Variants in TMED3 observed in about 807,000 individuals in gnomAD.
The protein encoded by TMED3 is transmembrane p24 trafficking protein 3.
In TMED3, 9 loss-of-function variants were observed where a neutral mutation model predicts 15.0. The ratio of observed to expected loss-of-function variants is 0.60; its 90% CI spans 0.36 to 1.04. The LOEUF (loss-of-function observed/expected upper bound fraction) is 1.04. TMED3 is among the 50% of genes least tolerant of loss of function. The pLI is 0.01. For synonymous variants in TMED3, 117 were observed against 121.4 expected, an observed-to-expected ratio of 0.96 and a Z score of 0.24; for missense variants, 267 against 278.9, an observed-to-expected ratio of 0.96 and a Z score of 0.30.
intron 2 of TMED3, among the ~76,000 whole-genome samples, chr15:79,318,222 CCTGCCGCT>C (rs2058749545): frequency 2.0e-5 from 3 of 152,156 alleles, no homozygotes; most frequent in African/African-American, 7.2e-5. Flanking sequence ...CTGGGGTGTT[CCTGCCGCT>C]CTGCATACCC....
chr15:79,399,868 T>A (rs946150777), intron 2 of TMED3, among the ~76,000 whole-genome samples: 25 of 152,222 alleles, frequency 1.6e-4, no homozygotes, highest in African/African-American at 6.0e-4. Flanking sequence ...GACTGGTACA[T>A]GCTTCAGTCT....
intron 2 of TMED3, among the ~76,000 whole-genome samples, chr15:79,314,975 T>G (rs2058734650): frequency 6.6e-6 from 1 of 152,176 alleles, no homozygotes; most frequent in Non-Finnish European, 1.5e-5. Flanking sequence ...CAAATACTTG[T>G]GAAATGACTG....
chr15:79,376,000 C>T (rs1028602714), intron 2 of TMED3, among the ~76,000 whole-genome samples: 6 of 151,154 alleles, frequency 4.0e-5, no homozygotes, highest in Admixed American at 3.9e-4. Context: ...TTTAACCTAG[C>T]GATTTACTCT....
chr15:79,337,326 T>C (rs531286862), intron 2 of TMED3, among the ~76,000 whole-genome samples: 14 of 152,216 alleles, frequency 9.2e-5, no homozygotes, highest in Non-Finnish European at 1.5e-4. Flanking sequence ...ACAACAGTTA[T>C]GTTGGGTTAG....
At position 79,322,190 on chromosome 15, in the gene TMED3, C is replaced by T. The variant is rs775543896; in HGVS notation, c.630C>T (p.Pro210=). ...LLKSFFTEKR[P]ISRAVHS ...AAAGCTTCTTCACAGAAAAACGACC[C>T]ATCAGCAGGGCAGTCCACTCCTAGC... The change falls in exon 3 of 3, where the codon CCC becomes CCT. Residue 210 remains proline, a synonymous_variant. Transcript: ENST00000299705. 2 of 1,614,024 alleles carry T rather than the reference C, an allele frequency of 1.2e-6. No homozygotes were observed. The highest frequency in any genetic ancestry group is 1.7e-6 in the Non-Finnish European group (2 of 1,179,954).
At chr15:79,354,623 C>CAAAA (rs60577285) in intron 2 of TMED3, among the ~76,000 whole-genome samples, 5 of 120,960 alleles carry the variant, frequency 4.1e-5, no homozygotes, top group Non-Finnish European at 7.3e-5. Flanking sequence ...ATAGAAGAGG[C>CAAAA]AAAAAAAAAA....
At chr15:79,405,269 TC>T (rs1408798038) in intron 2 of TMED3, among the ~76,000 whole-genome samples, 3 of 152,110 alleles carry the variant, frequency 2.0e-5, no homozygotes, top group Admixed American at 6.6e-5. Context: ...GAGCTGAAAC[TC>T]CCCTGTGGTG....
chr15:79,389,467 G>A (rs891943410), intron 2 of TMED3, among the ~76,000 whole-genome samples: 6 of 152,078 alleles, frequency 3.9e-5, no homozygotes, highest in African/African-American at 1.2e-4. Flanking sequence ...TTTTATACCA[G>A]TACCATGTTA....
chr15:79,312,391 A>G (rs2058719599), intron 1 of TMED3, among the ~76,000 whole-genome samples: 1 of 152,186 alleles, frequency 6.6e-6, no homozygotes, highest in East Asian at 1.9e-4. Flanking sequence ...TGCAATGACA[A>G]AAAGAATGAT....
At chr15:79,413,324 G>A (rs2661048) in exon 3 of TMED3, 145,173 of 152,270 alleles carry the variant, frequency 0.95, 69,594 homozygotes, top group East Asian at 1. Flanking sequence ...CGTTTGCAAC[G>A]CAGACAGCTG....
chr15:79,333,343 C>G (rs1222785226), intron 2 of TMED3, among the ~76,000 whole-genome samples: 1 of 152,192 alleles, frequency 6.6e-6, no homozygotes, highest in Non-Finnish European at 1.5e-5. Context: ...CAGTGACAGA[C>G]TAGAATGTTG....
intron 2 of TMED3, among the ~76,000 whole-genome samples, chr15:79,362,582 G>T (rs973934730): frequency 3.9e-5 from 6 of 152,186 alleles, no homozygotes; most frequent in Non-Finnish European, 8.8e-5. Flanking sequence ...CCAAATCTCA[G>T]CTTGAATTGT....
chr15:79,333,236 A>G (rs1158164168), intron 2 of TMED3, among the ~76,000 whole-genome samples: 23 of 152,210 alleles, frequency 1.5e-4, no homozygotes, highest in Admixed American at 1.5e-3. Flanking sequence ...CTGATAGAAC[A>G]TTCTTGGTCA....
intron 2 of TMED3, among the ~76,000 whole-genome samples, chr15:79,365,574 T>C (rs961782591): frequency 6.6e-6 from 1 of 152,204 alleles, no homozygotes; most frequent in Non-Finnish European, 1.5e-5. Context: ...GTCACATTAC[T>C]GAATCCACGT....
chr15:79,404,066 T>G (rs1052866627), intron 2 of TMED3, among the ~76,000 whole-genome samples: 1 of 152,238 alleles, frequency 6.6e-6, no homozygotes, highest in Non-Finnish European at 1.5e-5. Flanking sequence ...TAGTTACATA[T>G]TCACACACCT....
At chr15:79,334,713 G>T (rs577734052) in intron 2 of TMED3, among the ~76,000 whole-genome samples, 13 of 152,102 alleles carry the variant, frequency 8.5e-5, no homozygotes, top group Non-Finnish European at 1.8e-4. Flanking sequence ...TAGAAGGCAC[G>T]CAGGAAATGT....
chr15:79,335,997 C>G (rs2058825647), intron 2 of TMED3, among the ~76,000 whole-genome samples: 1 of 152,178 alleles, frequency 6.6e-6, no homozygotes, highest in Non-Finnish European at 1.5e-5. Context: ...AGAATTTAAT[C>G]TTTTCCCAAG....
chr15:79,392,943 T>C (rs11631194), intron 2 of TMED3, among the ~76,000 whole-genome samples: 47,346 of 152,120 alleles, frequency 0.31, 8,772 homozygotes, highest in Middle Eastern at 0.51. Context: ...CCAACTTAAA[T>C]TGGAATCTTT....
intron 2 of TMED3, among the ~76,000 whole-genome samples, chr15:79,369,557 T>C (rs908872104): frequency 6.6e-5 from 10 of 152,252 alleles, no homozygotes; most frequent in Admixed American, 4.6e-4. Context: ...CTCGCTCTTG[T>C]TAATTGGACT....
Sources: gnomAD v4.1 joint callset for allele counts (sites outside exome capture counted in the v4.1 genomes callset) on GRCh38, gnomAD v4.1.1 for gene constraint, MANE v1.5 for transcripts, NCBI Gene and HGNC (gene_info 2026-07-23, HGNC 2026-07-21) for gene names.